Variants in CCNJL observed in about 807,000 individuals in gnomAD.
CCNJL encodes cyclin-J-like protein.
Under a neutral mutation model 33.4 loss-of-function variants are expected in CCNJL, and 33 were observed. The ratio of observed to expected loss-of-function variants is 0.99; its 90% CI spans 0.75 to 1.32. The LOEUF (loss-of-function observed/expected upper bound fraction) is 1.32. CCNJL is among the 40% of genes most tolerant of loss of function. The pLI is 0.00. For missense variants in CCNJL, 512 were observed against 499.7 expected, an observed-to-expected ratio of 1.02 and a Z score of -0.23; for synonymous variants, 227 against 220.9, an observed-to-expected ratio of 1.03 and a Z score of -0.24.
intron 2 of CCNJL, among the ~76,000 whole-genome samples, chr5:160,295,507 A>C (rs1236976137): frequency 9.9e-5 from 15 of 152,150 alleles, no homozygotes; most frequent in Non-Finnish European, 1.5e-5. Context: ...AATAAATAAG[A>C]AAATAGAGTC....
intron 2 of CCNJL, among the ~76,000 whole-genome samples, chr5:160,282,522 C>T (rs1415161618): frequency 6.6e-6 from 1 of 151,994 alleles, no homozygotes; most frequent in Non-Finnish European, 1.5e-5. Context: ...AAAAGACAAC[C>T]TGCAAAATGG....
intron 2 of CCNJL, among the ~76,000 whole-genome samples, chr5:160,301,210 G>T (rs747998549): frequency 1.2e-4 from 18 of 152,104 alleles, no homozygotes; most frequent in Non-Finnish European, 2.4e-4. Flanking sequence ...GCAATAAAAA[G>T]AAATAAACTC....
upstream of CCNJL, chr5:160,312,701 T>C (rs1206774652): frequency 6.6e-6 from 1 of 151,936 alleles, no homozygotes; most frequent in African/African-American, 2.4e-5. Flanking sequence ...CTCCGCTTCC[T>C]GCCCGCCCTC....
At chr5:160,337,484 C>G (rs1417714054) in intron 1 of CCNJL, among the ~76,000 whole-genome samples, 5 of 152,096 alleles carry the variant, frequency 3.3e-5, no homozygotes, top group African/African-American at 9.7e-5. Flanking sequence ...GCATAAAAGC[C>G]AAGTGGTTAC....
At chr5:160,323,945 C>T (rs59930350) in intron 1 of CCNJL, among the ~76,000 whole-genome samples, 4,355 of 152,276 alleles carry the variant, frequency 0.029, 196 homozygotes, top group African/African-American at 0.098. Flanking sequence ...ACCTGCATTC[C>T]GACGGGGACT....
chr5:160,306,163 C>T (rs754969879), intron 2 of CCNJL, among the ~76,000 whole-genome samples: 9 of 148,684 alleles, frequency 6.1e-5, no homozygotes, highest in Non-Finnish European at 1.2e-4. Context: ...CCTAGCTACT[C>T]GGGAGGCTGA....
intron 3 of CCNJL, among the ~76,000 whole-genome samples, chr5:160,278,341 C>T (rs1762087746): frequency 6.6e-6 from 1 of 152,134 alleles, no homozygotes; most frequent in African/African-American, 2.4e-5. Flanking sequence ...CTGAGATTGA[C>T]AGGTGGGGGG....
chr5:160,321,082 CTTTCTT>C, intron 1 of CCNJL, among the ~76,000 whole-genome samples: 1 of 114,410 alleles, frequency 8.7e-6, no homozygotes, highest in Non-Finnish European at 1.8e-5. Flanking sequence ...TTCTTTCTTT[CTTTCTT>C]TCCTTCTCTC....
intron 1 of CCNJL, among the ~76,000 whole-genome samples, chr5:160,333,994 A>C (rs558739310): frequency 6.6e-6 from 1 of 152,124 alleles, no homozygotes; most frequent in East Asian, 1.9e-4. Context: ...CAACAATCGT[A>C]TTCTCCACCC....
At chr5:160,302,456 T>C (rs570886820) in intron 2 of CCNJL, among the ~76,000 whole-genome samples, 1 of 152,310 alleles carries the variant, frequency 6.6e-6, no homozygotes, top group East Asian at 1.9e-4. Context: ...TAGCGAAATA[T>C]ATCAAAAATC....
At chr5:160,320,327 C>T (rs943919598) in intron 1 of CCNJL, among the ~76,000 whole-genome samples, 1 of 152,114 alleles carries the variant, frequency 6.6e-6, no homozygotes, top group Admixed American at 6.6e-5. Flanking sequence ...TTCCATGGGC[C>T]TCAGTTTCTC....
upstream of CCNJL, among the ~76,000 whole-genome samples, chr5:160,316,644 T>A (rs1369819142): frequency 2.0e-5 from 3 of 152,212 alleles, no homozygotes; most frequent in East Asian, 3.8e-4. Context: ...CCTTCGGAAG[T>A]GATTTATGCA....
chr5:160,285,683 T>TC (rs1486350744), intron 2 of CCNJL, among the ~76,000 whole-genome samples: 1 of 152,198 alleles, frequency 6.6e-6, no homozygotes, highest in African/African-American at 2.4e-5. Flanking sequence ...CACACAAGTG[T>TC]CCCATCTGGG....
At chr5:160,323,213 C>A (rs1763494462) in intron 1 of CCNJL, among the ~76,000 whole-genome samples, 1 of 145,772 alleles carries the variant, frequency 6.9e-6, no homozygotes, top group Non-Finnish European at 1.5e-5. Flanking sequence ...CCAGCCTGGG[C>A]AACAGAGCGA....
chr5:160,258,354 AGAT>A (rs1761163087), intron 4 of CCNJL: 1 of 769,826 alleles, frequency 1.3e-6, no homozygotes, highest in South Asian at 1.4e-5. Context: ...GGTTAATGAA[AGAT>A]GATACAATAT....
chr5:160,266,168 G>A (rs1463635084), intron 3 of CCNJL, among the ~76,000 whole-genome samples: 1 of 152,236 alleles, frequency 6.6e-6, no homozygotes, highest in African/African-American at 2.4e-5. Context: ...ATCTTCCCAG[G>A]TGCATGTGGG....
At chr5:160,278,116 A>T (rs1333311054) in intron 3 of CCNJL, among the ~76,000 whole-genome samples, 1 of 152,134 alleles carries the variant, frequency 6.6e-6, no homozygotes, top group Non-Finnish European at 1.5e-5. Flanking sequence ...CATGTTAGTC[A>T]GGCTGGTCTC....
upstream of CCNJL, among the ~76,000 whole-genome samples, chr5:160,313,704 TAAA>T (rs1269414586): frequency 6.6e-6 from 1 of 152,178 alleles, no homozygotes; most frequent in African/African-American, 2.4e-5. Flanking sequence ...TGAAACATAA[TAAA>T]GAAGGCTTGA....
At chr5:160,278,661 G>A (rs895207472) in intron 3 of CCNJL, among the ~76,000 whole-genome samples, 6 of 152,168 alleles carry the variant, frequency 3.9e-5, no homozygotes, top group African/African-American at 1.4e-4. Flanking sequence ...GCACAAAGGA[G>A]TCTCCAGTGT....
Sources: gnomAD v4.1 joint callset for allele counts (sites outside exome capture counted in the v4.1 genomes callset) on GRCh38, gnomAD v4.1.1 for gene constraint, MANE v1.5 for transcripts, NCBI Gene and HGNC (gene_info 2026-07-23, HGNC 2026-07-21) for gene names.